The following ALOX5 variants were observed in gnomAD, a reference collection of about 807,000 sequenced individuals.
The protein encoded by ALOX5 is arachidonate 5-lipoxygenase, also known as polyunsaturated fatty acid 5-lipoxygenase.
In ALOX5, 64 loss-of-function variants were observed where a neutral mutation model predicts 87.9. The observed-to-expected ratio is 0.73, with a 90% CI of 0.60 to 0.90. The LOEUF (loss-of-function observed/expected upper bound fraction) is 0.90. ALOX5 is among the 40% of genes least tolerant of loss of function. The pLI is 0.00. For synonymous variants in ALOX5, 388 were observed against 355.1 expected, an observed-to-expected ratio of 1.09 and a Z score of -1.04; for missense variants, 822 against 907.5, an observed-to-expected ratio of 0.91 and a Z score of 1.21.
chr10:45,428,635 C>T lies in ALOX5; in HGVS notation c.852C>T (p.Ile284=), dbSNP rs1225166746. 4 of 1,614,144 alleles carry T rather than the reference C, an allele frequency of 2.5e-6. No individual in the cohort carries two copies. The highest frequency in any genetic ancestry group is 1.7e-5 in the Admixed American group (1 of 60,028). Residue 284 remains isoleucine, a synonymous_variant, in exon 7 of 14, where the codon ATC becomes ATT. Coordinates refer to ENST00000374391, the MANE Select transcript of ALOX5 (RefSeq NM_000698.5). The part of the protein sequence containing the change: ...EQEVQQGNIF[I]VDFELLDGID... ...TCCTGCAGCAAGGGAACATTTTCATCGTGGACTTTGAGCTGCTGGATGGCA... is the reference window on the plus strand; with the variant it reads ...TCCTGCAGCAAGGGAACATTTTCATTGTGGACTTTGAGCTGCTGGATGGCA...
chr10:45,399,829 G>A (rs917686250), intron 3 of ALOX5, among the ~76,000 whole-genome samples: 1 of 152,120 alleles, frequency 6.6e-6, no homozygotes, highest in African/African-American at 2.4e-5. Flanking sequence ...TTAAAAATTA[G>A]CAAAGGATTT....
chr10:45,407,070 A>C (rs1204867876), intron 3 of ALOX5, among the ~76,000 whole-genome samples: 1 of 152,144 alleles, frequency 6.6e-6, no homozygotes, highest in African/African-American at 2.4e-5. Context: ...GTAGTGTAAG[A>C]TCTGAGTCTG....
At chr10:45,395,755 C>G (rs548154516) in intron 2 of ALOX5, 100 bp from the exon 3 acceptor site, 1 of 997,754 alleles carries the variant, frequency 1.0e-6, no homozygotes, top group Non-Finnish European at 1.6e-6. Flanking sequence ...ACATAAAGCA[C>G]TCGGCATGGG....
rs1218011347 is a variant in ALOX5 at position 45,440,544 on chromosome 10, A to T, written c.1096A>T (p.Ile366Phe). 6.2e-7 allele frequency: 1 copy of T among 1,614,046 alleles called. No homozygotes were observed. Among genetic ancestry groups the T allele is most frequent in the Admixed American group, 1.7e-5 (1 of 60,006 alleles). Residue 366 changes from isoleucine (I) to phenylalanine (F), a missense_variant, in exon 8 of 14, where the codon ATC becomes TTC. Ile to Phe is a conservative substitution (Grantham distance 21). Coordinates refer to ENST00000374391, the MANE Select transcript of ALOX5 (RefSeq NM_000698.5). ...CAGTGACTTCCACGTCCACCAGACC[A>T]TCACCCACCTTCTGCGAACACATCT... ...RSSDFHVHQT[I>F]THLLRTHLVS...
chr10:45,430,084 A>G (rs1329091030), intron 7 of ALOX5, among the ~76,000 whole-genome samples: 4 of 152,202 alleles, frequency 2.6e-5, no homozygotes. Flanking sequence ...AGGTAAAGGG[A>G]CAGGTGACCT....
chr10:45,429,918 C>T (rs1446433019), intron 7 of ALOX5, among the ~76,000 whole-genome samples: 2 of 152,138 alleles, frequency 1.3e-5, no homozygotes, highest in Non-Finnish European at 2.9e-5. Flanking sequence ...AAAACTGAGA[C>T]ACAGGTGCCC....
At chr10:45,392,628 C>T (rs886740647) in intron 2 of ALOX5, among the ~76,000 whole-genome samples, 5 of 151,870 alleles carry the variant, frequency 3.3e-5, no homozygotes, top group African/African-American at 1.2e-4. Context: ...ACTTGTTTAT[C>T]TGCTGACCTT....
chr10:45,405,696 T>C (rs143051045), intron 3 of ALOX5, among the ~76,000 whole-genome samples: 1 of 152,200 alleles, frequency 6.6e-6, no homozygotes, highest in Admixed American at 6.5e-5. Context: ...TGTCTAATAC[T>C]TTTATAATTT....
Position 45,443,082 on chromosome 10 carries a change from G to C in ALOX5, c.1317G>C (p.Arg439Ser). 1 of 1,613,720 alleles carries C rather than the reference G, an allele frequency of 6.2e-7. No homozygotes were observed. The highest frequency in any genetic ancestry group is 1.1e-5 in the South Asian group (1 of 91,082). The change falls in exon 10 of 14, where the codon AGG (arginine) becomes AGC (serine). Residue 439 changes from arginine to serine, a missense_variant. Arg to Ser is a moderately radical substitution (Grantham distance 110). Coordinates refer to ENST00000374391, the MANE Select transcript of ALOX5 (RefSeq NM_000698.5). ...GTGGGCACGTGCAGATGGTGCAGAG[G>C]GCCATGAAGGACCTGACCTATGCCT... Reference protein sequence around the residue: ...GGGGHVQMVQRAMKDLTYASL... With the variant: ...GGGGHVQMVQSAMKDLTYASL...
At chr10:45,403,054 A>C (rs2132735937) in intron 3 of ALOX5, among the ~76,000 whole-genome samples, 1 of 152,342 alleles carries the variant, frequency 6.6e-6, no homozygotes, top group Admixed American at 6.5e-5. Context: ...GCAGGAGGAC[A>C]AGTTGGTAAG....
chr10:45,388,922 G>T (rs559436965), intron 2 of ALOX5, among the ~76,000 whole-genome samples: 4 of 151,614 alleles, frequency 2.6e-5, no homozygotes, highest in African/African-American at 9.8e-5. Context: ...GGAACCCATC[G>T]CAAAAAAAGC....
intron 8 of ALOX5, 23 bp from the exon 9 acceptor site, chr10:45,441,321 G>T: frequency 6.2e-7 from 1 of 1,610,188 alleles, no homozygotes. Context: ...CCCCTCTGAG[G>T]CCTCCTCCTC....
At chr10:45,392,580 C>T (rs1039928487) in intron 2 of ALOX5, among the ~76,000 whole-genome samples, 7 of 151,980 alleles carry the variant, frequency 4.6e-5, no homozygotes, top group African/African-American at 1.7e-4. Flanking sequence ...CGGATGGCCG[C>T]AGGGTCCTCT....
At chr10:45,424,791 G>T (rs77666700) in intron 5 of ALOX5, among the ~76,000 whole-genome samples, 169 bp from the exon 6 acceptor site, 1 of 152,200 alleles carries the variant, frequency 6.6e-6, no homozygotes, top group East Asian at 1.9e-4. Context: ...TGGTGCCACA[G>T]CCTGACCCAG....
intron 1 of ALOX5, among the ~76,000 whole-genome samples, chr10:45,378,754 T>C (rs534555451): frequency 5.9e-5 from 9 of 152,272 alleles, no homozygotes; most frequent in African/African-American, 2.2e-4. Context: ...ACTCCCTGAG[T>C]TGGGTCAAGG....
At chr10:45,381,432 G>T (rs1021742249) in intron 1 of ALOX5, among the ~76,000 whole-genome samples, 2 of 152,264 alleles carry the variant, frequency 1.3e-5, no homozygotes, top group African/African-American at 4.8e-5. Context: ...ATGATGGAAA[G>T]ACCTGGGGTG....
Position 45,424,157 on chromosome 10 carries a change from C to T in ALOX5, c.661+10C>T. 1 of 1,601,992 alleles carries T rather than the reference C, an allele frequency of 6.2e-7. No homozygotes were observed. The highest frequency in any genetic ancestry group is 8.6e-7 in the Non-Finnish European group (1 of 1,169,006). ...AGCAACACTATTTCTGGTGAGTGTG[C>T]CTCTGGGGGCCCAAGTGGTGCTGGG... On this transcript the variant is annotated intron_variant, in intron 5 of 13. Transcript: ENST00000374391.
chr10:45,392,117 C>T (rs1308595626), intron 2 of ALOX5, among the ~76,000 whole-genome samples: 9 of 151,456 alleles, frequency 5.9e-5, no homozygotes, highest in Non-Finnish European at 1.0e-4. Flanking sequence ...CCAGCTGCCC[C>T]GTCCGGGAGG....
At chr10:45,385,784 C>T (rs1435817262) in intron 2 of ALOX5, among the ~76,000 whole-genome samples, 1 of 152,166 alleles carries the variant, frequency 6.6e-6, no homozygotes, top group Non-Finnish European at 1.5e-5. Context: ...GCAGAGGTAT[C>T]CCGTTAATAT....
Sources: gnomAD v4.1 joint callset for allele counts (sites outside exome capture counted in the v4.1 genomes callset) on GRCh38, gnomAD v4.1.1 for gene constraint, MANE v1.5 for transcripts, NCBI Gene and HGNC (gene_info 2026-07-23, HGNC 2026-07-21) for gene names.